The following ADAMTS9 variants were observed in gnomAD, a reference collection of about 807,000 sequenced individuals.
ADAMTS9 encodes the protein ADAM metallopeptidase with thrombospondin type 1 motif 9.
Under a neutral mutation model 257.1 loss-of-function variants are expected in ADAMTS9, and 107 were observed. That is an observed-to-expected ratio of 0.42 (90% CI 0.36 to 0.49). The LOEUF is 0.49. Among genes scored for constraint, ADAMTS9 ranks in the 20% least tolerant of loss-of-function variants. The pLI is 0.03. For missense variants in ADAMTS9, 2,353 were observed against 2,469.1 expected, an observed-to-expected ratio of 0.95 and a Z score of 1.00; for synonymous variants, 982 against 880.9, an observed-to-expected ratio of 1.11 and a Z score of -2.03.
rs1345923187 is a variant in ADAMTS9 at position 64,651,000 on chromosome 3, G to T, written c.1463+17C>A. Reference sequence around the variant, plus strand: ...CAGGCACTAGAAGTTTGTGCTAAAAGAATGTTCAAGTCTTACTCTAAAAAC... The same window carrying T: ...CAGGCACTAGAAGTTTGTGCTAAAATAATGTTCAAGTCTTACTCTAAAAAC... On this transcript the variant is annotated intron_variant, in intron 9 of 39. Transcript: ENST00000498707. The T allele has an allele frequency of 1.3e-6, 2 of 1,585,778 alleles. No individual in the cohort carries two copies. Among genetic ancestry groups the T allele is most frequent in the Non-Finnish European group, 1.7e-6 (2 of 1,169,288 alleles).
chr3:64,682,211 C>T (rs995395612), intron 2 of ADAMTS9, among the ~76,000 whole-genome samples: 1 of 152,154 alleles, frequency 6.6e-6, no homozygotes, highest in African/African-American at 2.4e-5. Context: ...TTTAAGCTTC[C>T]TTGTTCGTCA....
chr3:64,552,705 G>C (rs370436514), intron 30 of ADAMTS9, among the ~76,000 whole-genome samples: 6 of 151,740 alleles, frequency 4.0e-5, no homozygotes, highest in East Asian at 1.9e-4. Flanking sequence ...CTACAGGCAT[G>C]AGCCACCACG....
chr3:64,652,982 T>C (rs1023826992), intron 8 of ADAMTS9, among the ~76,000 whole-genome samples: 2 of 152,202 alleles, frequency 1.3e-5, no homozygotes, highest in South Asian at 2.1e-4. Flanking sequence ...GCATAAGGTA[T>C]ACATGAAACA....
intron 37 of ADAMTS9, 61 bp from the exon 38 acceptor site, chr3:64,533,331 G>A (rs750281070): frequency 1.3e-4 from 173 of 1,309,234 alleles, no homozygotes; most frequent in Non-Finnish European, 1.8e-4. Flanking sequence ...AAAAAGCAAA[G>A]GCAAAGGTGA....
In ADAMTS9 at chr3:64,523,553, G is replaced by A. The variant is rs1234885271; in HGVS notation, c.5719-1293C>T. On this transcript the variant is annotated intron_variant, in intron 38 of 39. Transcript: ENST00000498707. ...TGATGATAGTAAAAATATGTGTGGAGCATAAAAAGCTTTAACTGGACAAAT... is the reference window on the plus strand; with the variant it reads ...TGATGATAGTAAAAATATGTGTGGAACATAAAAAGCTTTAACTGGACAAAT... Among the ~76,000 whole-genome samples the A allele has an allele frequency of 2.6e-5, 4 of 152,172 alleles. No individual in the cohort carries two copies. In the South Asian group the frequency reaches 8.3e-4, roughly 32 times the overall value.
intron 16 of ADAMTS9, among the ~76,000 whole-genome samples, chr3:64,623,017 C>T (rs1253599196): frequency 1.3e-5 from 2 of 152,164 alleles, no homozygotes; most frequent in Non-Finnish European, 2.9e-5. Context: ...TTAGTCAAGC[C>T]TGTTGAATCT....
At chr3:64,625,638 C>T (rs568198085) in intron 16 of ADAMTS9, among the ~76,000 whole-genome samples, 47 of 152,164 alleles carry the variant, frequency 3.1e-4, no homozygotes, top group South Asian at 1.2e-3. Flanking sequence ...CCAGAATTCT[C>T]ACCCACATAA....
intron 9 of ADAMTS9, 80 bp downstream of exon 9, chr3:64,650,937 A>G: frequency 7.2e-7 from 1 of 1,395,340 alleles, no homozygotes; most frequent in Non-Finnish European, 9.6e-7. Flanking sequence ...GTTTGACTTC[A>G]TATTGTCTTT....
At position 64,656,031 on chromosome 3, in the gene ADAMTS9, TAA is replaced by T; in HGVS notation, c.970-158_970-157del. On this transcript the variant is annotated intron_variant, in intron 4 of 39. Transcript: ENST00000498707. ...TTCATTCACTCAACAACACTTTTTG[TAA>T]AGTCTCTTCATAAAATTCATAGATC... 7.6e-6 allele frequency: 4 copies of T among 527,998 alleles called. 1 individual carries two copies. In the South Asian group the frequency reaches 9.8e-5, roughly 13 times the overall value. 32.7% of individuals were successfully genotyped at this position (527,998 alleles called of 1,614,324 possible). A position where few individuals can be genotyped will look rare whatever the true frequency, so the allele number is the denominator to read the frequency against.
At chr3:64,593,390 C>G (rs1301764265) in intron 28 of ADAMTS9, among the ~76,000 whole-genome samples, 2 of 152,162 alleles carry the variant, frequency 1.3e-5, no homozygotes, top group Non-Finnish European at 2.9e-5. Context: ...TAATACAATA[C>G]TAAATTCAGC....
At chr3:64,678,723 T>G (rs1315430901) in intron 3 of ADAMTS9, among the ~76,000 whole-genome samples, 1 of 152,240 alleles carries the variant, frequency 6.6e-6, no homozygotes, top group Non-Finnish European at 1.5e-5. Flanking sequence ...GTGCAAAGGC[T>G]ACCTGGTTCC....
intron 28 of ADAMTS9, chr3:64,583,921 A>C (rs1040559272): frequency 6.6e-6 from 1 of 152,222 alleles, no homozygotes; most frequent in Non-Finnish European, 1.5e-5. Context: ...CATGCACAAC[A>C]ATGAAGATCC....
chr3:64,531,966 T>C (rs1462819222), intron 38 of ADAMTS9, among the ~76,000 whole-genome samples: 1 of 151,920 alleles, frequency 6.6e-6, no homozygotes, highest in African/African-American at 2.4e-5. Context: ...GTGGCAGCGG[T>C]TTCTGACCTG....
chr3:64,533,745 T>G (rs2083012073), intron 37 of ADAMTS9, among the ~76,000 whole-genome samples: 1 of 152,220 alleles, frequency 6.6e-6, no homozygotes, highest in Non-Finnish European at 1.5e-5. Flanking sequence ...CACCGCGTAC[T>G]AAGCACAGCA....
intron 8 of ADAMTS9, among the ~76,000 whole-genome samples, chr3:64,652,145 C>T (rs1343799023): frequency 6.6e-6 from 1 of 152,186 alleles, no homozygotes; most frequent in Admixed American, 6.5e-5. Flanking sequence ...ATTAATTTAG[C>T]ATTGAGAGAG....
At chr3:64,648,090 T>G (rs1384856894) in intron 10 of ADAMTS9, 46 bp from the exon 11 acceptor site, 2 of 1,548,942 alleles carry the variant, frequency 1.3e-6, no homozygotes, top group East Asian at 2.3e-5. Flanking sequence ...GTGATTTATT[T>G]GGCAGTATCA....
At chr3:64,661,472 A>AT (rs1489488732) in intron 3 of ADAMTS9, among the ~76,000 whole-genome samples, 1 of 152,194 alleles carries the variant, frequency 6.6e-6, no homozygotes, top group East Asian at 1.9e-4. Flanking sequence ...AATTACCTGT[A>AT]TTTTCCCGAT....
intron 3 of ADAMTS9, among the ~76,000 whole-genome samples, chr3:64,674,790 C>T (rs1469656182): frequency 6.6e-6 from 1 of 152,220 alleles, no homozygotes; most frequent in Non-Finnish European, 1.5e-5. Context: ...AAAGCCCCCT[C>T]AGGGGTCTGC....
rs1166275587 is a variant in ADAMTS9, at chr3:64,633,794, C to T, written c.1942G>A (p.Asp648Asn). ...TGAGCACACTGTTCATCTCGGAAGT[C>T]TCGCTTCTGCTTGAGACATGGCTCC... The part of the protein sequence containing the change: ...NTEPCLKQKR[D>N]FRDEQCAHFD... Residue 648 changes from aspartate to asparagine, a missense_variant, in exon 13 of 40, where the codon GAC becomes AAC. Transcript: ENST00000498707. The T allele has an allele frequency of 1.2e-6, 2 of 1,613,404 alleles. No individual in the cohort carries two copies. Among genetic ancestry groups the T allele is most frequent in the Non-Finnish European group, 8.5e-7 (1 of 1,179,932 alleles).
Sources: allele counts gnomAD v4.1 joint callset (sites outside exome capture counted in the v4.1 genomes callset), GRCh38; gene constraint gnomAD v4.1.1; transcripts MANE v1.5; gene names NCBI Gene and HGNC (gene_info 2026-07-23, HGNC 2026-07-21).